Variants in AKAP13 observed in about 807,000 individuals in gnomAD.
The protein encoded by AKAP13 is A-kinase anchor protein 13.
AKAP13 carries 80 observed loss-of-function variants against 264.5 expected under a neutral mutation model. The observed-to-expected ratio is 0.30, with a 90% CI of 0.25 to 0.36. AKAP13 has a LOEUF of 0.36. Ranked by LOEUF, AKAP13 falls within the 10% of genes least tolerant of loss-of-function variation. The pLI, the probability that AKAP13 is intolerant of heterozygous loss-of-function variation, is 1.00. For missense variants in AKAP13, 3,712 were observed against 3,435.2 expected (o/e 1.08, Z -2.01); for synonymous variants, 1,380 against 1,250.2 (o/e 1.10, Z -2.19).
Position 85,708,503 on chromosome 15 carries a change from T to A in AKAP13, c.5532+417T>A, listed in dbSNP as rs1462626810. Among the ~76,000 whole-genome samples, 1 of 152,042 alleles carries A rather than the reference T, an allele frequency of 6.6e-6. No individual in the cohort carries two copies. The highest frequency in any genetic ancestry group is 2.4e-5 in the African/African-American group (1 of 41,404). ...CTGCTGGTGGGGGTGGGGAGGGTGT[T>A]ATGGTTAGCCCCAGCCTGTCTGGTA... On this transcript the variant is annotated intron_variant, in intron 18 of 36. Coordinates refer to ENST00000394518, the MANE Select transcript of AKAP13 (RefSeq NM_007200.5). This position sits in a 1 kb window ranked among gnomAD's most constrained non-coding sequence, Gnocchi z 4.3.
intron 2 of AKAP13, among the ~76,000 whole-genome samples, chr15:85,513,366 A>G (rs2076506331): frequency 1.3e-5 from 2 of 152,070 alleles, no homozygotes; most frequent in South Asian, 2.1e-4. Flanking sequence ...GAAGCCTTGG[A>G]GGTTTTACAA....
intron 10 of AKAP13, among the ~76,000 whole-genome samples, chr15:85,649,615 G>T (rs115115353): frequency 4.0e-4 from 61 of 152,268 alleles, no homozygotes; most frequent in African/African-American, 1.1e-3. Context: ...TTAACAGCCC[G>T]TAACGTTTGT....
At chr15:85,504,683 C>A (rs2076151961) in intron 2 of AKAP13, among the ~76,000 whole-genome samples, 1 of 112,140 alleles carries the variant, frequency 8.9e-6, no homozygotes, top group African/African-American at 3.4e-5. Flanking sequence ...CAGGGCCCAA[C>A]ACCCTGTCTC....
At chr15:85,689,516 G>GT (rs1176862344) in intron 16 of AKAP13, among the ~76,000 whole-genome samples, 1 of 152,198 alleles carries the variant, frequency 6.6e-6, no homozygotes, top group East Asian at 1.9e-4. Context: ...CCGTTAGCCT[G>GT]TTTCTCCAGC....
intron 1 of AKAP13, among the ~76,000 whole-genome samples, chr15:85,440,062 A>G (rs555689868): frequency 6.6e-6 from 1 of 152,164 alleles, no homozygotes; most frequent in Non-Finnish European, 1.5e-5. Flanking sequence ...AGGAAAAAGA[A>G]CACCTAACAA....
At chr15:85,600,438 G>A (rs2080007580) in intron 8 of AKAP13, among the ~76,000 whole-genome samples, 2 of 151,568 alleles carry the variant, frequency 1.3e-5, no homozygotes, top group African/African-American at 4.9e-5. Context: ...TAAATTAAAA[G>A]TACGAATTGT....
intron 2 of AKAP13, among the ~76,000 whole-genome samples, chr15:85,503,599 G>A (rs1054240373): frequency 7.9e-5 from 12 of 152,186 alleles, no homozygotes; most frequent in Admixed American, 2.0e-4. Flanking sequence ...GTGCAGAGAT[G>A]ACGATTGTGC....
In AKAP13 at chr15:85,737,890, C is replaced by A. The variant is rs543724985; in HGVS notation, c.7557+1756C>A. ...CTGACCTCAGGTGATCTGCCTACCT[C>A]AGCCTCCCAAAGTGCTGGGGTTACA... On this transcript the variant is annotated intron_variant, in intron 33 of 36. Coordinates refer to ENST00000394518, the MANE Select transcript of AKAP13 (RefSeq NM_007200.5). Among the ~76,000 whole-genome samples the A allele has an allele frequency of 4.6e-5, 7 of 152,188 alleles. No homozygotes were observed. The East Asian group carries it at 1.4e-3, about 30-fold the overall frequency.
At chr15:85,641,674 G>C (rs1266490820) in intron 9 of AKAP13, among the ~76,000 whole-genome samples, 1 of 151,354 alleles carries the variant, frequency 6.6e-6, no homozygotes, top group Non-Finnish European at 1.5e-5. Context: ...TTTCAGTAGA[G>C]ATGGGGTTTC....
chr15:85,529,901 G>A (rs1389703718), intron 3 of AKAP13, among the ~76,000 whole-genome samples: 1 of 152,132 alleles, frequency 6.6e-6, no homozygotes, highest in Non-Finnish European at 1.5e-5. Flanking sequence ...CCAGATTTAT[G>A]GCATATTTTA....
intron 3 of AKAP13, among the ~76,000 whole-genome samples, chr15:85,530,045 A>G (rs1187600992): frequency 2.0e-5 from 3 of 152,104 alleles, no homozygotes; most frequent in Non-Finnish European, 2.9e-5. Context: ...TCGGTTATAC[A>G]GTTTGATTTT....
chr15:85,504,071 G>A (rs1329282243), intron 2 of AKAP13, among the ~76,000 whole-genome samples: 1 of 152,170 alleles, frequency 6.6e-6, no homozygotes, highest in Non-Finnish European at 1.5e-5. Context: ...GTGGAGGCCA[G>A]CTTAGAAGCC....
At chr15:85,741,801 T>G (rs2089018972) in intron 35 of AKAP13, among the ~76,000 whole-genome samples, 1 of 151,678 alleles carries the variant, frequency 6.6e-6, no homozygotes, top group South Asian at 2.1e-4. Flanking sequence ...TCCCAGCACC[T>G]TGGGAGGCCG....
rs1264344106 is a variant in AKAP13 at position 85,575,197 on chromosome 15, T to C, written c.729T>C (p.Ser243=). Residue 243 remains serine (S), a synonymous_variant, in exon 6 of 37, where the codon TCT becomes TCC. Transcript: ENST00000394518. The part of the protein sequence containing the change: ...LSYEIPYGDC[S]VRHHRELDIY... ...ATGAAATACCGTATGGAGACTGTTC[T>C]GTGAGGCATCATCGAGAGTTGGACA... 1.9e-6 allele frequency: 3 copies of C among 1,614,064 alleles called. No individual in the cohort carries two copies. The highest frequency in any genetic ancestry group is 2.5e-6 in the Non-Finnish European group (3 of 1,180,026).
chr15:85,441,861 G>A (rs2073666482), intron 1 of AKAP13, among the ~76,000 whole-genome samples: 2 of 152,090 alleles, frequency 1.3e-5, no homozygotes, highest in Non-Finnish European at 2.9e-5. Flanking sequence ...TGGGAGAAGA[G>A]GGAGGAAAGG....
chr15:85,440,657 T>C (rs144208294), intron 1 of AKAP13, among the ~76,000 whole-genome samples: 2 of 152,348 alleles, frequency 1.3e-5, no homozygotes, highest in Non-Finnish European at 2.9e-5. Context: ...ATCTAAACAG[T>C]GACAAAGTTG....
At chr15:85,452,703 C>T (rs2074135160) in intron 1 of AKAP13, among the ~76,000 whole-genome samples, 1 of 152,120 alleles carries the variant, frequency 6.6e-6, no homozygotes, top group African/African-American at 2.4e-5. Flanking sequence ...TATTGGACAG[C>T]TGGTGGACTA....
intron 35 of AKAP13, among the ~76,000 whole-genome samples, chr15:85,741,697 TAAAAAAAAA>T (rs56782497): frequency 3.7e-4 from 39 of 106,328 alleles, no homozygotes; most frequent in Middle Eastern, 9.2e-3. Context: ...CTGTCTCTCC[TAAAAAAAAA>T]AAAAAAAAAA....
At chr15:85,707,914 T>C in intron 17 of AKAP13, 105 bp from the exon 18 acceptor site, 1 of 1,060,716 alleles carries the variant, frequency 9.4e-7, no homozygotes. Context: ...CACATGTGAG[T>C]GACTTCACTT....
Sources: allele counts gnomAD v4.1 joint callset (sites outside exome capture counted in the v4.1 genomes callset), GRCh38; gene constraint gnomAD v4.1.1; non-coding constraint Gnocchi (gnomAD v3.1); transcripts MANE v1.5; gene names NCBI Gene and HGNC (gene_info 2026-07-23, HGNC 2026-07-21).